Variants in SCN10A observed in about 807,000 individuals in gnomAD.
SCN10A encodes the protein sodium channel protein type 10 subunit alpha.
In SCN10A, 162 loss-of-function variants were observed where a neutral mutation model predicts 170.7. The ratio of observed to expected loss-of-function variants is 0.95; its 90% CI spans 0.84 to 1.08. SCN10A has a LOEUF of 1.08. Ranked by LOEUF, SCN10A falls within the 50% of genes least tolerant of loss-of-function variation. The pLI, the probability that SCN10A is intolerant of heterozygous loss-of-function variation, is 0.00. For synonymous variants in SCN10A, 985 were observed against 904.6 expected, an observed-to-expected ratio of 1.09 and a Z score of -1.59; for missense variants, 2,527 against 2,436.9, an observed-to-expected ratio of 1.04 and a Z score of -0.78.
chr3:38,739,828 C>T (rs2063612250), intron 14 of SCN10A, 140 bp from the exon 15 acceptor site: 1 of 689,620 alleles, frequency 1.5e-6, no homozygotes, highest in Non-Finnish European at 2.4e-6. Flanking sequence ...CTGTGGGCTC[C>T]TGAGGATTGG....
chr3:38,740,578 G>C (rs548903941), intron 14 of SCN10A, among the ~76,000 whole-genome samples: 1 of 152,290 alleles, frequency 6.6e-6, no homozygotes, highest in East Asian at 1.9e-4. Flanking sequence ...GGGTAGGGTT[G>C]AGGTCTTGTG....
At chr3:38,707,221 TA>T in intron 26 of SCN10A, 57 bp downstream of exon 26, 1 of 1,568,316 alleles carries the variant, frequency 6.4e-7, no homozygotes, top group Admixed American at 1.7e-5. Context: ...GACACAGGCA[TA>T]GACTGTCATG....
At chr3:38,723,609 T>A (rs1275853421) in intron 18 of SCN10A, 56 bp from the exon 19 acceptor site, 2 of 1,544,514 alleles carry the variant, frequency 1.3e-6, no homozygotes, top group African/African-American at 2.7e-5. Flanking sequence ...CCCGGGGAAT[T>A]GCACACGGTC....
At chr3:38,796,247 G>A (rs62244113) in intron 1 of SCN10A, among the ~76,000 whole-genome samples, 42,938 of 151,912 alleles carry the variant, frequency 0.28, 7,627 homozygotes, top group Admixed American at 0.41. Context: ...CACAACCTGG[G>A]TACCATAATT....
At chr3:38,789,535 G>C (rs1025387030) in intron 3 of SCN10A, among the ~76,000 whole-genome samples, 1 of 152,134 alleles carries the variant, frequency 6.6e-6, no homozygotes, top group African/African-American at 2.4e-5. Flanking sequence ...GATAAGTGAA[G>C]AGGTACAAAC....
At position 38,742,327 on chromosome 3, in the gene SCN10A, G is replaced by T; in HGVS notation, c.2070C>A (p.Ser690Arg). The T allele has an allele frequency of 1.9e-6, 3 of 1,614,034 alleles. No homozygotes were observed. The highest frequency in any genetic ancestry group is 2.5e-6 in the Non-Finnish European group (3 of 1,179,932). The change falls in exon 14 of 28, where the codon AGC becomes AGA. Residue 690 changes from serine (S) to arginine (R), a missense_variant. Physicochemically the swap from Ser to Arg is moderately radical, Grantham distance 110. Coordinates refer to ENST00000449082, the MANE Select transcript of SCN10A (RefSeq NM_006514.4). ...TCTGGAGCATGGCTTCGAAGGTAGG[G>T]CTCATGCCATGGTGCTCCATGGCCA... is the stretch of plus-strand genomic sequence containing the variant. Reference protein sequence around the residue: ...IFMAMEHHGMSPTFEAMLQIG... With the variant: ...IFMAMEHHGMRPTFEAMLQIG...
chr3:38,780,294 TC>T (rs1232552771), intron 4 of SCN10A, among the ~76,000 whole-genome samples: 1 of 152,084 alleles, frequency 6.6e-6, no homozygotes, highest in African/African-American at 2.4e-5. Flanking sequence ...AAATCATGGA[TC>T]CTGCTTTCTT....
At chr3:38,739,417 G>C in intron 15 of SCN10A, 98 bp downstream of exon 15, 2 of 1,111,758 alleles carry the variant, frequency 1.8e-6, no homozygotes, top group South Asian at 1.7e-5. Flanking sequence ...ACAAGGACAG[G>C]AGAGGAAGGG....
intron 4 of SCN10A, among the ~76,000 whole-genome samples, chr3:38,776,495 G>C (rs1045418532): frequency 6.6e-6 from 1 of 152,098 alleles, no homozygotes; most frequent in East Asian, 1.9e-4. Context: ...CATTAGTCAA[G>C]ATAAACTGCC....
At position 38,772,412 on chromosome 3, in the gene SCN10A, A is replaced by T. The variant is rs11929645; in HGVS notation, c.471-1005T>A. On this transcript the variant is annotated intron_variant, in intron 4 of 27. Transcript: ENST00000449082. ...TTAGAGAAATAAAACTGTATTGGCC[A>T]GGCGCTGTGGCTCACGCCTGTAATC... Among the ~76,000 whole-genome samples, 422 of 152,192 alleles carry T rather than the reference A, an allele frequency of 2.8e-3. 8 individuals carry two copies. The highest frequency in any genetic ancestry group is 0.022 in the East Asian group (113 of 5,176).
At position 38,793,955 on chromosome 3, in the gene SCN10A, T is replaced by A; in HGVS notation, c.56A>T (p.Glu19Val). The A allele has an allele frequency of 6.2e-7, 1 of 1,614,024 alleles. No individual in the cohort carries two copies. The highest frequency in any genetic ancestry group is 8.5e-7 in the Non-Finnish European group (1 of 1,179,908). ...TTGCTTCTCTATCTCCACCAGTGAC[T>A]CCGGAGTAAAGCGACGGAAGTTGTT... ...ETNNFRRFTP[E>V]SLVEIEKQIA... Residue 19 changes from glutamate to valine, a missense_variant, in exon 2 of 28, where the codon GAG (glutamate) becomes GTG (valine). Physicochemically the swap from Glu to Val is moderately radical, Grantham distance 121. Coordinates refer to ENST00000449082, the MANE Select transcript of SCN10A (RefSeq NM_006514.4).
chr3:38,737,513 C>T (rs1198651473), intron 15 of SCN10A, among the ~76,000 whole-genome samples: 1 of 152,164 alleles, frequency 6.6e-6, no homozygotes, highest in Non-Finnish European at 1.5e-5. Flanking sequence ...CCCTTCTCCT[C>T]CCTGGGATGG....
At chr3:38,748,955 C>T (rs2063720835) in intron 13 of SCN10A, among the ~76,000 whole-genome samples, 1 of 152,194 alleles carries the variant, frequency 6.6e-6, no homozygotes, top group South Asian at 2.1e-4. Context: ...CATCACCCCC[C>T]AGATATCACC....
chr3:38,756,643 CT>C (rs759811932), intron 10 of SCN10A, 30 bp downstream of exon 10: 1 of 1,584,936 alleles, frequency 6.3e-7, no homozygotes, highest in Non-Finnish European at 8.6e-7. Context: ...AGTCTGCAAC[CT>C]TCTTCACAAA....
At chr3:38,744,153 T>C (rs2063662462) in intron 13 of SCN10A, among the ~76,000 whole-genome samples, 2 of 152,188 alleles carry the variant, frequency 1.3e-5, no homozygotes, top group Non-Finnish European at 2.9e-5. Context: ...GTATGTGTAG[T>C]GTGTGTATGT....
At chr3:38,717,315 G>T (rs2063343421) in intron 21 of SCN10A, among the ~76,000 whole-genome samples, 1 of 152,164 alleles carries the variant, frequency 6.6e-6, no homozygotes, top group Non-Finnish European at 1.5e-5. Flanking sequence ...TGGAAGGAAG[G>T]ATGGATGGTT....
At chr3:38,814,715 T>G (rs1285275741) in intron 1 of SCN10A, among the ~76,000 whole-genome samples, 1 of 152,234 alleles carries the variant, frequency 6.6e-6, no homozygotes, top group Non-Finnish European at 1.5e-5. Context: ...TTATTATTAC[T>G]ATTATCACTA....
At chr3:38,736,962 CGTTTT>C (rs1388294486) in intron 15 of SCN10A, among the ~76,000 whole-genome samples, 7,578 of 68,838 alleles carry the variant, frequency 0.11, 470 homozygotes, top group East Asian at 0.32. Context: ...CAGAAATGTT[CGTTTT>C]TTTTTTTTTT....
chr3:38,810,774 G>C (rs1046307595), intron 1 of SCN10A, among the ~76,000 whole-genome samples: 8 of 152,122 alleles, frequency 5.3e-5, no homozygotes, highest in African/African-American at 1.9e-4. Flanking sequence ...ACCCCAAGCA[G>C]GTTTGTTGAA....
Sources: allele counts gnomAD v4.1 joint callset (sites outside exome capture counted in the v4.1 genomes callset), GRCh38; gene constraint gnomAD v4.1.1; transcripts MANE v1.5; gene names NCBI Gene and HGNC (gene_info 2026-07-23, HGNC 2026-07-21).